COQ3: variants seen among roughly 807,000 people sequenced by gnomAD.
The protein encoded by COQ3 is coenzyme Q3, methyltransferase.
Under a neutral mutation model 33.1 loss-of-function variants are expected in COQ3, and 29 were observed. The observed-to-expected ratio is 0.88, with a 90% CI of 0.65 to 1.19. COQ3 has a LOEUF of 1.19. COQ3 is among the 50% of genes most tolerant of loss of function. The pLI is 0.00. For missense variants in COQ3, 437 were observed against 430.7 expected, an observed-to-expected ratio of 1.01 and a Z score of -0.13; for synonymous variants, 173 against 157.8, an observed-to-expected ratio of 1.10 and a Z score of -0.72.
intron 1 of COQ3, among the ~76,000 whole-genome samples, chr6:99,388,096 G>A (rs771879481): frequency 2.6e-5 from 4 of 151,904 alleles, no homozygotes; most frequent in Non-Finnish European, 4.4e-5. Flanking sequence ...CCCAGGAGGC[G>A]GAGGTTGCGG....
At chr6:99,373,160 C>T (rs1774188459) in intron 5 of COQ3, among the ~76,000 whole-genome samples, 1 of 152,148 alleles carries the variant, frequency 6.6e-6, no homozygotes, top group Non-Finnish European at 1.5e-5. Context: ...CTAGGCCAGG[C>T]ATGGTGGCTC....
intron 1 of COQ3, among the ~76,000 whole-genome samples, chr6:99,391,557 G>A (rs997260274): frequency 2.0e-5 from 3 of 151,178 alleles, no homozygotes; most frequent in East Asian, 2.0e-4. Flanking sequence ...CGACATATAA[G>A]GTATTACTAT....
intron 1 of COQ3, among the ~76,000 whole-genome samples, chr6:99,390,333 ACT>A (rs1369804485): frequency 3.9e-4 from 43 of 109,526 alleles, no homozygotes; most frequent in African/African-American, 1.3e-3. Flanking sequence ...ACAATGTTAA[ACT>A]TTTTTTTTTT....
intron 1 of COQ3, among the ~76,000 whole-genome samples, chr6:99,391,702 TA>T (rs1170558938): frequency 6.6e-6 from 1 of 152,124 alleles, no homozygotes; most frequent in Non-Finnish European, 1.5e-5. Flanking sequence ...TCAAGAGGTT[TA>T]AAAATCATCT....
At chr6:99,389,337 C>T (rs980346156) in intron 1 of COQ3, among the ~76,000 whole-genome samples, 1 of 152,154 alleles carries the variant, frequency 6.6e-6, no homozygotes, top group Non-Finnish European at 1.5e-5. Context: ...GTTGACCCGC[C>T]TGATCTCAAA....
chr6:99,388,400 A>G (rs1774716375), intron 1 of COQ3, among the ~76,000 whole-genome samples: 1 of 152,236 alleles, frequency 6.6e-6, no homozygotes, highest in Non-Finnish European at 1.5e-5. Context: ...GAAAGAAATC[A>G]AAGAATAAAC....
intron 6 of COQ3, 55 bp from the exon 7 acceptor site, chr6:99,369,875 T>G: frequency 1.7e-6 from 2 of 1,174,406 alleles, no homozygotes; most frequent in South Asian, 1.4e-5. Flanking sequence ...TCCTTCCAAT[T>G]TCCAAGAGTT....
intron 1 of COQ3, among the ~76,000 whole-genome samples, chr6:99,391,402 T>A (rs926611182): frequency 6.6e-6 from 1 of 152,068 alleles, no homozygotes; most frequent in African/African-American, 2.4e-5. Context: ...AGGCTTTTGT[T>A]CATTTTATTT....
Position 99,369,828 on chromosome 6 carries a change from A to C in COQ3, c.890-8T>G. 1 of 1,541,342 alleles carries C rather than the reference A, an allele frequency of 6.5e-7. No homozygotes were observed. Among genetic ancestry groups the C allele is most frequent in the Non-Finnish European group, 8.8e-7 (1 of 1,136,026 alleles). ...TTTGAACTGACAGACCATCTGAAAA[A>C]AAAAAAAATCAGAAAGAGTAGATTT... On this transcript the variant is annotated splice_polypyrimidine_tract_variant and splice_region_variant and intron_variant, in intron 6 of 6. Coordinates refer to ENST00000254759, the MANE Select transcript of COQ3 (RefSeq NM_017421.4).
At chr6:99,375,502 G>A (rs1383505069) in intron 5 of COQ3, among the ~76,000 whole-genome samples, 1 of 151,468 alleles carries the variant, frequency 6.6e-6, no homozygotes, top group Non-Finnish European at 1.5e-5. Context: ...TTGTACCTCA[G>A]TCTCCTGAGT....
At chr6:99,374,990 T>C (rs538424374) in intron 5 of COQ3, among the ~76,000 whole-genome samples, 23 of 151,620 alleles carry the variant, frequency 1.5e-4, no homozygotes, top group Admixed American at 2.0e-4. Context: ...TTCTTTCTTT[T>C]TTTTTTTTTT....
chr6:99,372,496 C>A, intron 5 of COQ3, among the ~76,000 whole-genome samples: 1 of 152,064 alleles, frequency 6.6e-6, no homozygotes, highest in Non-Finnish European at 1.5e-5. Context: ...CAGCTTACTG[C>A]AACCTCCACC....
intron 1 of COQ3, among the ~76,000 whole-genome samples, chr6:99,390,679 C>G (rs970590667): frequency 6.6e-6 from 1 of 152,160 alleles, no homozygotes; most frequent in Non-Finnish European, 1.5e-5. Flanking sequence ...AAAATGGTAT[C>G]TTAGTGTAGT....
Position 99,369,803 on chromosome 6 carries a change from T to C in COQ3, c.907A>G (p.Thr303Ala). Residue 303 changes from threonine (T) to alanine (A), a missense_variant, in exon 7 of 7, where the codon ACA becomes GCA. Physicochemically the swap from Thr to Ala is moderately conservative, Grantham distance 58. Transcript: ENST00000254759. ...ILESNGLSVQ[T>A]VVGMLYNPFS... ...GGGTTATAGAGCATTCCTACCACTG[T>C]TTGAACTGACAGACCATCTGAAAAA... 1 of 1,603,308 alleles carries C rather than the reference T, an allele frequency of 6.2e-7. No homozygotes were observed. Among genetic ancestry groups the C allele is most frequent in the Non-Finnish European group, 8.5e-7 (1 of 1,174,798 alleles).
intron 3 of COQ3, among the ~76,000 whole-genome samples, chr6:99,378,585 C>A (rs1423167219): frequency 6.6e-6 from 1 of 152,072 alleles, no homozygotes; most frequent in Non-Finnish European, 1.5e-5. Flanking sequence ...GTAAAGTTTG[C>A]TTAAAATGGA....
chr6:99,374,919 TTTAA>T lies in COQ3; in HGVS notation c.729+1017_729+1020del, dbSNP rs1278118196. Among the ~76,000 whole-genome samples the T allele has an allele frequency of 1.1e-4, 16 of 152,340 alleles. 1 individual carries two copies. Among genetic ancestry groups the T allele is most frequent in the African/African-American group, 3.4e-4 (14 of 41,590 alleles). On this transcript the variant is annotated intron_variant, in intron 5 of 6. Coordinates refer to ENST00000254759, the MANE Select transcript of COQ3 (RefSeq NM_017421.4). ...TTACCATGTACAGAATTACTTGTTATTTAATTAAACTTATGCTAATAATTATTTT... is the reference window on the plus strand; with the variant it reads ...TTACCATGTACAGAATTACTTGTTATTTAAACTTATGCTAATAATTATTTT...
chr6:99,389,987 G>T (rs1265414691), intron 1 of COQ3, among the ~76,000 whole-genome samples: 1 of 152,066 alleles, frequency 6.6e-6, no homozygotes, highest in East Asian at 1.9e-4. Flanking sequence ...GGTGGGGTGC[G>T]CCTGTAGTCC....
At chr6:99,390,820 G>A (rs762523113) in intron 1 of COQ3, among the ~76,000 whole-genome samples, 1 of 152,046 alleles carries the variant, frequency 6.6e-6, no homozygotes, top group African/African-American at 2.4e-5. Flanking sequence ...TCAGCCCCTC[G>A]AGTAGCTGGC....
chr6:99,371,064 A>G (rs1215715334), intron 6 of COQ3, among the ~76,000 whole-genome samples: 2 of 152,240 alleles, frequency 1.3e-5, no homozygotes. Context: ...TGGTGGAATC[A>G]GGAAAAATAA....
Sources: allele counts gnomAD v4.1 joint callset (sites outside exome capture counted in the v4.1 genomes callset), GRCh38; gene constraint gnomAD v4.1.1; transcripts MANE v1.5; gene names NCBI Gene and HGNC (gene_info 2026-07-23, HGNC 2026-07-21).